Variants in CDH20 observed in about 807,000 individuals in gnomAD.
CDH20 encodes cadherin-20.
A neutral mutation model predicts 74.2 loss-of-function variants in CDH20; 29 were observed. The observed-to-expected ratio is 0.39, with a 90% CI of 0.29 to 0.53. The LOEUF (loss-of-function observed/expected upper bound fraction) is 0.53, where lower values mean the gene tolerates loss of function less well. Ranked by LOEUF, CDH20 falls within the 20% of genes least tolerant of loss-of-function variation. CDH20 has a pLI of 0.69. For synonymous variants in CDH20, 469 were observed against 405.4 expected, an observed-to-expected ratio of 1.16 and a Z score of -1.88; for missense variants, 988 against 1,048.3, an observed-to-expected ratio of 0.94 and a Z score of 0.79.
At chr18:61,380,330 T>G (rs2144177985) in intron 1 of CDH20, among the ~76,000 whole-genome samples, 1 of 151,954 alleles carries the variant, frequency 6.6e-6, no homozygotes. Flanking sequence ...GGGGAGGAGG[T>G]GAATTCAAAC....
At chr18:61,443,668 T>G (rs1909103705) in intron 1 of CDH20, among the ~76,000 whole-genome samples, 1 of 152,082 alleles carries the variant, frequency 6.6e-6, no homozygotes, top group Non-Finnish European at 1.5e-5. Flanking sequence ...GTCGTTCAGA[T>G]GACATTTTTT....
intron 7 of CDH20, among the ~76,000 whole-genome samples, chr18:61,530,049 C>T (rs1483926545): frequency 6.6e-6 from 1 of 152,190 alleles, no homozygotes; most frequent in East Asian, 1.9e-4. Flanking sequence ...AGAACAAGGC[C>T]ACAAGGCCAG....
intron 1 of CDH20, among the ~76,000 whole-genome samples, chr18:61,474,562 T>G (rs1218047716): frequency 6.6e-6 from 1 of 152,202 alleles, no homozygotes; most frequent in Non-Finnish European, 1.5e-5. Flanking sequence ...TTCTACTCTT[T>G]TAATATTGCG....
At chr18:61,363,957 A>G (rs1483359209) in intron 1 of CDH20, among the ~76,000 whole-genome samples, 2 of 152,058 alleles carry the variant, frequency 1.3e-5, no homozygotes, top group East Asian at 1.9e-4. Context: ...AAAGGGAAGC[A>G]CTAGTCAAGC....
intron 1 of CDH20, among the ~76,000 whole-genome samples, chr18:61,475,945 C>A (rs1165418319): frequency 6.6e-6 from 1 of 152,100 alleles, no homozygotes; most frequent in Non-Finnish European, 1.5e-5. Flanking sequence ...AAGAACTTGC[C>A]TTTTCATCCT....
rs564723759 is a variant in CDH20 at position 61,448,254 on chromosome 18, T to C, written c.-152-42148T>C. On this transcript the variant is annotated intron_variant, in intron 1 of 11. Transcript: ENST00000262717. ...GGGGGAGCTATAGAAAGCCTAGCCCTCACCCAATTACAGCATGTATGGGAA... is the reference window on the plus strand; with the variant it reads ...GGGGGAGCTATAGAAAGCCTAGCCCCCACCCAATTACAGCATGTATGGGAA... Among the ~76,000 whole-genome samples the C allele has an allele frequency of 3.3e-5, 5 of 152,336 alleles. No homozygotes were observed. In the South Asian group the frequency reaches 6.2e-4, roughly 19 times the overall value.
rs548865975 is a variant in CDH20 at position 61,394,012 on chromosome 18, C to T, written c.-153+60185C>T. On this transcript the variant is annotated intron_variant, in intron 1 of 11. Coordinates refer to ENST00000262717, the MANE Select transcript of CDH20 (RefSeq NM_031891.4). ...TTTAATTTATGTAATAATCTGATGG[C>T]GTCTCACTTACAGCATTAATCAGAT... is the stretch of plus-strand genomic sequence containing the variant. Among the ~76,000 whole-genome samples the T allele has an allele frequency of 2.4e-4, 36 of 152,250 alleles. No homozygotes were observed. The South Asian group carries it at 6.0e-3, about 25-fold the overall frequency.
chr18:61,409,735 G>A (rs535140630), intron 1 of CDH20, among the ~76,000 whole-genome samples: 16 of 152,288 alleles, frequency 1.1e-4, no homozygotes, highest in African/African-American at 2.6e-4. Context: ...GCAACATAAC[G>A]TAGTACATTA....
intron 8 of CDH20, among the ~76,000 whole-genome samples, chr18:61,538,373 C>T (rs527648787): frequency 8.6e-5 from 13 of 152,006 alleles, no homozygotes; most frequent in Middle Eastern, 3.4e-3. Flanking sequence ...TTTTAAGATT[C>T]GTTTTTTGAC....
intron 1 of CDH20, among the ~76,000 whole-genome samples, chr18:61,412,562 A>G (rs567810878): frequency 6.6e-6 from 1 of 152,332 alleles, no homozygotes; most frequent in Admixed American, 6.5e-5. Flanking sequence ...ACAAAAAAGA[A>G]TAGTCCAACA....
chr18:61,429,212 G>A (rs1296848141), intron 1 of CDH20, among the ~76,000 whole-genome samples: 1 of 152,154 alleles, frequency 6.6e-6, no homozygotes, highest in Non-Finnish European at 1.5e-5. Context: ...AAATCATAAT[G>A]TGCTGGATTT....
chr18:61,376,947 G>A (rs1911255630), intron 1 of CDH20, among the ~76,000 whole-genome samples: 1 of 152,114 alleles, frequency 6.6e-6, no homozygotes. Context: ...CATTAAGAAG[G>A]ATAAGTAGCT....
intron 1 of CDH20, among the ~76,000 whole-genome samples, chr18:61,383,171 C>CA (rs1359344758): frequency 6.6e-6 from 1 of 152,186 alleles, no homozygotes; most frequent in Non-Finnish European, 1.5e-5. Context: ...TATTATAGCA[C>CA]AGTATCATCA....
intron 11 of CDH20, among the ~76,000 whole-genome samples, 162 bp from the exon 12 acceptor site, chr18:61,554,028 C>T (rs966454256): frequency 6.6e-6 from 1 of 152,162 alleles, no homozygotes; most frequent in Non-Finnish European, 1.5e-5. Flanking sequence ...ACAAAGTGGA[C>T]TTAAATTAGA....
In CDH20 at chr18:61,554,557, G is replaced by A. The variant is rs777591867; in HGVS notation, c.2268G>A (p.Val756=). 7 of 1,610,950 alleles carry A rather than the reference G, an allele frequency of 4.3e-6. No individual in the cohort carries two copies. In the South Asian group the frequency reaches 4.4e-5, roughly 10 times the overall value. ...ATATGTTCGAGGGGGACGGCTCTGTGGCGGGGTCGCTGAGCTCCCTGCAGT... is the reference window on the plus strand; with the variant it reads ...ATATGTTCGAGGGGGACGGCTCTGTAGCGGGGTCGCTGAGCTCCCTGCAGT... The part of the protein sequence containing the change: ...QTYMFEGDGS[V]AGSLSSLQSA... The change falls in exon 12 of 12, where the codon GTG becomes GTA. Residue 756 remains valine (V), a synonymous_variant. Coordinates refer to ENST00000262717, the MANE Select transcript of CDH20 (RefSeq NM_031891.4).
chr18:61,528,446 G>GACACATATAC (rs1555683469), intron 7 of CDH20, among the ~76,000 whole-genome samples: 2 of 97,732 alleles, frequency 2.0e-5, no homozygotes, highest in East Asian at 9.9e-4. Flanking sequence ...AATTGGTTGA[G>GACACATATAC]ACACACACAC....
intron 7 of CDH20, among the ~76,000 whole-genome samples, chr18:61,529,912 G>T (rs1194105804): frequency 1.3e-5 from 2 of 152,130 alleles, no homozygotes; most frequent in African/African-American, 4.8e-5. Flanking sequence ...GGTTCATATT[G>T]GAGTGTCTGG....
rs916138851 is a variant in CDH20, at chr18:61,512,572, A to G, written c.1017+5012A>G. The stretch of plus-strand genomic sequence containing the variant: ...ACAGTTAGACAAATTTGTTTCACCA[A>G]TGTTAGATTCACTCCATGCCGCTGT... On this transcript the variant is annotated intron_variant, in intron 6 of 11. Coordinates refer to ENST00000262717, the MANE Select transcript of CDH20 (RefSeq NM_031891.4). 2.6e-5 allele frequency among the ~76,000 whole-genome samples: 4 copies of G among 152,200 alleles called. 1 individual carries two copies. Among genetic ancestry groups the G allele is most frequent in the East Asian group, 3.8e-4 (2 of 5,198 alleles).
In CDH20 at chr18:61,550,129, C is replaced by A. The variant is rs750064266; in HGVS notation, c.1800C>A (p.Asp600Glu). 6.2e-7 allele frequency: 1 copy of A among 1,614,230 alleles called. No individual in the cohort carries two copies. The highest frequency in any genetic ancestry group is 8.5e-7 in the Non-Finnish European group (1 of 1,180,042). The change falls in exon 11 of 12, where the codon GAC becomes GAA. Residue 600 changes from aspartate to glutamate, a missense_variant. Around this residue, in one of 2 missense-constraint regions of CDH20, gnomAD observed 375 missense variants for 293.1 expected, o/e 1.28. Coordinates refer to ENST00000262717, the MANE Select transcript of CDH20 (RefSeq NM_031891.4). ...LTIQVCSCDD[D>E]GHVMSCSPEA... ...TCCAAGTGTGCAGCTGTGATGACGA[C>A]GGCCACGTCATGTCCTGCAGCCCAG...
Sources: gnomAD v4.1 joint callset for allele counts (sites outside exome capture counted in the v4.1 genomes callset) on GRCh38, gnomAD v4.1.1 for gene constraint, gnomAD v4.1.1 regional missense constraint, MANE v1.5 for transcripts, NCBI Gene and HGNC (gene_info 2026-07-23, HGNC 2026-07-21) for gene names.